The following APOBEC3G variants were observed in gnomAD, a reference collection of about 807,000 sequenced individuals.
The protein encoded by APOBEC3G is apolipoprotein B mRNA editing enzyme catalytic subunit 3G, also known as DNA dC->dU-editing enzyme APOBEC-3G.
In APOBEC3G, 44 loss-of-function variants were observed where a neutral mutation model predicts 50.0. The ratio of observed to expected loss-of-function variants is 0.88; its 90% confidence interval spans 0.69 to 1.13. APOBEC3G has a LOEUF of 1.13. APOBEC3G is among the 50% of genes most tolerant of loss of function. The probability of loss-of-function intolerance (pLI) is 0.00; values close to 1 mark genes in which losing one functional copy is unlikely to be tolerated. For synonymous variants in APOBEC3G, 156 were observed against 175.3 expected (o/e 0.89, Z 0.87); for missense variants, 469 against 492.0 (o/e 0.95, Z 0.44).
At chr22:39,083,676 G>C (rs1219730879) in intron 4 of APOBEC3G, 55 bp from the exon 5 acceptor site, 1 of 1,585,264 alleles carries the variant, frequency 6.3e-7, no homozygotes, top group Non-Finnish European at 8.6e-7. Context: ...GGGAGGGGGA[G>C]GTGGGACAGA....
chr22:39,081,351 TG>T (rs1293841041), intron 3 of APOBEC3G, 119 bp from the exon 4 acceptor site: 2 of 1,535,984 alleles, frequency 1.3e-6, no homozygotes, highest in African/African-American at 2.7e-5. Flanking sequence ...GGGGAGCCTG[TG>T]GGGTTGGGTC....
Position 39,087,467 on chromosome 22 carries a change from C to T in APOBEC3G, c.*46C>T, listed in dbSNP as rs1446964160. Reference sequence around the variant, plus strand: ...AGGAAGGCAGAGACCTGGGTTGAGCCTCAGAATAAAAGATCTTCTTCCAAG... The same window carrying T: ...AGGAAGGCAGAGACCTGGGTTGAGCTTCAGAATAAAAGATCTTCTTCCAAG... On this transcript the variant is annotated 3_prime_UTR_variant, in exon 8 of 8. Coordinates refer to ENST00000407997, the MANE Select transcript of APOBEC3G (RefSeq NM_021822.4). 5 of 1,613,822 alleles carry T rather than the reference C, an allele frequency of 3.1e-6. No homozygotes were observed. In the African/African-American group the frequency reaches 5.3e-5, roughly 17 times the overall value.
chr22:39,087,386 T>G (rs1000300520), intron 7 of APOBEC3G, 21 bp from the exon 8 acceptor site: 3 of 1,613,954 alleles, frequency 1.9e-6, no homozygotes, highest in African/African-American at 2.7e-5. Context: ...TTTGCTCCAT[T>G]CAACCTCCCT....
At chr22:39,083,707 C>G (rs781098159) in intron 4 of APOBEC3G, 24 bp from the exon 5 acceptor site, 8 of 1,611,910 alleles carry the variant, frequency 5.0e-6, no homozygotes, top group Non-Finnish European at 6.8e-6. Context: ...TCTTACTCCT[C>G]TGGGCTTTTC....
At chr22:39,080,326 C>T in intron 2 of APOBEC3G, 2 of 369,962 alleles carry the variant, frequency 5.4e-6, no homozygotes, top group Non-Finnish European at 7.5e-6. Flanking sequence ...CTTCCAAACT[C>T]AGGGAAGCAC....
intron 5 of APOBEC3G, 73 bp from the exon 6 acceptor site, chr22:39,086,206 A>T: frequency 6.7e-7 from 1 of 1,494,722 alleles, no homozygotes; most frequent in Non-Finnish European, 9.0e-7. Flanking sequence ...TGTACACTCC[A>T]GCCTGGGCAA....
intron 4 of APOBEC3G, chr22:39,082,893 A>C: frequency 6.7e-6 from 1 of 149,604 alleles, no homozygotes; most frequent in Non-Finnish European, 1.5e-5. Context: ...TGCACCCAAC[A>C]CTCCTGAGCC....
chr22:39,084,814 G>C (rs1032902394), intron 5 of APOBEC3G, among the ~76,000 whole-genome samples: 2 of 152,240 alleles, frequency 1.3e-5, no homozygotes, highest in African/African-American at 4.8e-5. Flanking sequence ...GAAGAGCTGG[G>C]CCAGGCCAGG....
At chr22:39,081,678 C>T in intron 4 of APOBEC3G, 93 bp downstream of exon 4, 1 of 1,027,694 alleles carries the variant, frequency 9.7e-7, no homozygotes, top group Non-Finnish European at 1.5e-6. Flanking sequence ...AGGTCCTCTC[C>T]TGGCCAGGCC....
At position 39,083,832 on chromosome 22, in the gene APOBEC3G, A is replaced by G. The variant is rs1928581091; in HGVS notation, c.683A>G (p.His228Arg). 6 of 1,614,050 alleles carry G rather than the reference A, an allele frequency of 3.7e-6. No individual in the cohort carries two copies. The highest frequency in any genetic ancestry group is 5.1e-6 in the Non-Finnish European group (6 of 1,179,932). The change falls in exon 5 of 8, where the codon CAC (histidine) becomes CGC (arginine). Residue 228 changes from histidine to arginine, a missense_variant. Physicochemically the swap from His to Arg is conservative, Grantham distance 29. Transcript: ENST00000407997. ...CTGTGTTATGAGGTGGAGCGCATGC[A>G]CAATGACACCTGGGTCCTGCTGAAC... ...TYLCYEVERM[H>R]NDTWVLLNQR... is the part of the protein sequence containing the mutation.
At position 39,087,104 on chromosome 22, in the gene APOBEC3G, G is replaced by A. The variant is rs1387583363; in HGVS notation, c.1118G>A (p.Gly373Glu). 1.2e-6 allele frequency: 2 copies of A among 1,613,908 alleles called. No individual in the cohort carries two copies. Among genetic ancestry groups the A allele is most frequent in the South Asian group, 2.2e-5 (2 of 91,062 alleles). ...GLDEHSQDLS[G>E]RLRAILQNQE... ...GATGAGCACAGCCAAGACCTGAGTGGGAGGCTGCGGGCCATTCTCCAGGTG... is the reference window on the plus strand; with the variant it reads ...GATGAGCACAGCCAAGACCTGAGTGAGAGGCTGCGGGCCATTCTCCAGGTG... Residue 373 changes from glycine to glutamate, a missense_variant, in exon 7 of 8, where the codon GGG (glycine) becomes GAG (glutamate). Physicochemically the swap from Gly to Glu is moderately conservative, Grantham distance 98. Transcript: ENST00000407997.
In APOBEC3G at chr22:39,087,461, T is replaced by C. The variant is rs751379555; in HGVS notation, c.*40T>C. 5.0e-6 allele frequency: 8 copies of C among 1,613,838 alleles called. No homozygotes were observed. The South Asian group carries it at 6.6e-5, about 13-fold the overall frequency. The stretch of plus-strand genomic sequence containing the variant: ...TCTCTAAGGAAGGCAGAGACCTGGG[T>C]TGAGCCTCAGAATAAAAGATCTTCT... On this transcript the variant is annotated 3_prime_UTR_variant, in exon 8 of 8. Coordinates refer to ENST00000407997, the MANE Select transcript of APOBEC3G (RefSeq NM_021822.4).
At chr22:39,085,812 G>T (rs1263056732) in intron 5 of APOBEC3G, among the ~76,000 whole-genome samples, 1 of 151,954 alleles carries the variant, frequency 6.6e-6, no homozygotes, top group Admixed American at 6.6e-5. Flanking sequence ...GCTTGAACCC[G>T]GGAGGTGGAG....
In APOBEC3G at chr22:39,086,265, G is replaced by A. The variant is rs372931921; in HGVS notation, c.736-14G>A. ...AAAAAAAAAGATTACCTCATGGCTTGCTTTCTTTTCTAGGCTCCACATAAA... is the reference window on the plus strand; with the variant it reads ...AAAAAAAAAGATTACCTCATGGCTTACTTTCTTTTCTAGGCTCCACATAAA... On this transcript the variant is annotated splice_polypyrimidine_tract_variant and intron_variant, in intron 5 of 7. Transcript: ENST00000407997. 3.2e-6 allele frequency: 5 copies of A among 1,551,100 alleles called. No individual in the cohort carries two copies. In the African/African-American group the frequency reaches 6.9e-5, roughly 22 times the overall value.
intron 6 of APOBEC3G, 131 bp downstream of exon 6, chr22:39,086,698 C>T: frequency 1.5e-6 from 2 of 1,317,434 alleles, no homozygotes; most frequent in Non-Finnish European, 2.1e-6. Context: ...GAGGCGATGG[C>T]TGCACTCTGG....
At position 39,083,504 on chromosome 22, in the gene APOBEC3G, G is replaced by A. The variant is rs1032568624; in HGVS notation, c.582-227G>A. ...GGAGACCCTGACAAGGCTTAGACAGGCCCCAGGGCTGCCGTGATCTCCCAG... is the reference window on the plus strand; with the variant it reads ...GGAGACCCTGACAAGGCTTAGACAGACCCCAGGGCTGCCGTGATCTCCCAG... On this transcript the variant is annotated intron_variant, in intron 4 of 7. Transcript: ENST00000407997. Among the ~76,000 whole-genome samples, 5 of 152,230 alleles carry A rather than the reference G, an allele frequency of 3.3e-5. No homozygotes were observed. In the East Asian group the frequency reaches 9.6e-4, roughly 29 times the overall value.
At chr22:39,081,622 C>G (rs761371611) in intron 4 of APOBEC3G, 37 bp downstream of exon 4, 2 of 1,533,234 alleles carry the variant, frequency 1.3e-6, no homozygotes, top group Admixed American at 1.7e-5. Flanking sequence ...CCTCGCTCCT[C>G]TCACCTCCTG....
chr22:39,086,249 G>A (rs75197162), intron 5 of APOBEC3G, 30 bp from the exon 6 acceptor site: 1 of 1,520,990 alleles, frequency 6.6e-7, no homozygotes, highest in Non-Finnish European at 8.8e-7. Context: ...AAAAAAAAAA[G>A]ATTACCTCAT....
At position 39,087,069 on chromosome 22, in the gene APOBEC3G, G is replaced by A. The variant is rs199683475; in HGVS notation, c.1083G>A (p.Trp361Ter). 2 of 1,613,698 alleles carry A rather than the reference G, an allele frequency of 1.2e-6. No homozygotes were observed. Among genetic ancestry groups the A allele is most frequent in the Admixed American group, 1.7e-5 (1 of 60,012 alleles). The change falls in exon 7 of 8, where the codon TGG (tryptophan) becomes TGA (stop). Residue 361 changes from tryptophan to a stop codon, truncating the protein, a stop_gained. Transcript: ENST00000407997. LOFTEE classifies it high-confidence loss of function. ...VDHQGCPFQPWDGLDEHSQDL... is the reference protein window; with the variant it reads ...VDHQGCPFQP ...ACCAGGGATGTCCCTTCCAGCCCTG[G>A]GATGGACTAGATGAGCACAGCCAAG...
Sources: allele counts gnomAD v4.1 joint callset (sites outside exome capture counted in the v4.1 genomes callset), GRCh38; gene constraint gnomAD v4.1.1; transcripts MANE v1.5; gene names NCBI Gene and HGNC (gene_info 2026-07-23, HGNC 2026-07-21).